The following LRRTM4 variants were observed in gnomAD, a reference collection of about 807,000 sequenced individuals.
LRRTM4 encodes leucine-rich repeat transmembrane neuronal protein 4.
In LRRTM4, 25 loss-of-function variants were observed where a neutral mutation model predicts 47.6. The ratio of observed to expected loss-of-function variants is 0.53; its 90% CI spans 0.38 to 0.73. The LOEUF is 0.73. Ranked by LOEUF, LRRTM4 falls within the 30% of genes least tolerant of loss-of-function variation. The pLI is 0.00. For synonymous variants in LRRTM4, 311 were observed against 269.5 expected (o/e 1.15, Z -1.51); for missense variants, 638 against 713.4 (o/e 0.89, Z 1.20).
chr2:77,186,752 T>C (rs1436503340), intron 3 of LRRTM4, among the ~76,000 whole-genome samples: 1 of 152,098 alleles, frequency 6.6e-6, no homozygotes, highest in Non-Finnish European at 1.5e-5. Flanking sequence ...AACTCATTTA[T>C]GGAGAGATTT....
intron 3 of LRRTM4, among the ~76,000 whole-genome samples, chr2:77,394,580 G>A (rs1415010737): frequency 6.6e-6 from 1 of 151,908 alleles, no homozygotes; most frequent in Non-Finnish European, 1.5e-5. Flanking sequence ...ATGTGAGGGT[G>A]AAACAGGGAT....
At chr2:76,919,837 CAT>C (rs1674378726) in intron 3 of LRRTM4, among the ~76,000 whole-genome samples, 2 of 152,186 alleles carry the variant, frequency 1.3e-5, no homozygotes, top group African/African-American at 4.8e-5. Flanking sequence ...TTAAGTCTTA[CAT>C]ATGACGGGTC....
At position 77,304,659 on chromosome 2, in the gene LRRTM4, C is replaced by T. The variant is rs1677225691; in HGVS notation, c.1551+213659G>A. ...GTTATGTGTACTAATGCCCCAATAG[C>T]TAATAATTGAGTTAATATAATAACT... On this transcript the variant is annotated intron_variant, in intron 3 of 3. Coordinates refer to ENST00000409884, the MANE Select transcript of LRRTM4 (RefSeq NM_001134745.3). Among the ~76,000 whole-genome samples the T allele has an allele frequency of 2.6e-5, 4 of 152,142 alleles. No individual in the cohort carries two copies. The South Asian group carries it at 8.3e-4, about 31-fold the overall frequency.
At chr2:76,876,702 T>C (rs1350382774) in intron 3 of LRRTM4, among the ~76,000 whole-genome samples, 1 of 152,022 alleles carries the variant, frequency 6.6e-6, no homozygotes, top group Non-Finnish European at 1.5e-5. Flanking sequence ...TAACATGACT[T>C]TTAGATATAT....
At position 77,044,567 on chromosome 2, in the gene LRRTM4, T is replaced by G. The variant is rs569563512; in HGVS notation, c.1552-295651A>C. 2.0e-5 allele frequency among the ~76,000 whole-genome samples: 3 copies of G among 151,854 alleles called. No homozygotes were observed. The South Asian group carries it at 6.2e-4, about 32-fold the overall frequency. Reference sequence around the variant, plus strand: ...GTGTGTGTGTCTGTGAGTGTGTGTGTGTGCATGCAAAAGGGAGGATTTAGT... The same window carrying G: ...GTGTGTGTGTCTGTGAGTGTGTGTGGGTGCATGCAAAAGGGAGGATTTAGT... On this transcript the variant is annotated intron_variant, in intron 3 of 3. Transcript: ENST00000409884.
chr2:76,902,594 A>G (rs1221780556), intron 3 of LRRTM4, among the ~76,000 whole-genome samples: 1 of 152,198 alleles, frequency 6.6e-6, no homozygotes. Flanking sequence ...TGGGAGCCTT[A>G]TAAGACCAGA....
chr2:77,279,398 A>T (rs1676448290), intron 3 of LRRTM4, among the ~76,000 whole-genome samples: 1 of 151,888 alleles, frequency 6.6e-6, no homozygotes, highest in Non-Finnish European at 1.5e-5. Flanking sequence ...AACCAAATTT[A>T]TGTATATTCA....
chr2:77,398,641 T>C (rs1573361460), intron 3 of LRRTM4, among the ~76,000 whole-genome samples: 1 of 152,018 alleles, frequency 6.6e-6, no homozygotes, highest in Non-Finnish European at 1.5e-5. Context: ...TATTAATTTA[T>C]TCATTTTTAA....
At chr2:76,766,535 T>C (rs909467465) in intron 3 of LRRTM4, among the ~76,000 whole-genome samples, 1 of 152,216 alleles carries the variant, frequency 6.6e-6, no homozygotes, top group Non-Finnish European at 1.5e-5. Flanking sequence ...CTGCCCTGCA[T>C]TGTGCCCAAG....
chr2:77,373,079 TAAAAAA>T (rs34776298), intron 3 of LRRTM4, among the ~76,000 whole-genome samples: 1 of 133,408 alleles, frequency 7.5e-6, no homozygotes, highest in South Asian at 2.4e-4. Context: ...AACCAACAAT[TAAAAAA>T]AAAATATATA....
At chr2:77,066,007 T>C (rs1679938245) in intron 3 of LRRTM4, among the ~76,000 whole-genome samples, 1 of 152,154 alleles carries the variant, frequency 6.6e-6, no homozygotes, top group East Asian at 1.9e-4. Context: ...ATGGAATCTC[T>C]ATAGAGCAAA....
intron 3 of LRRTM4, among the ~76,000 whole-genome samples, chr2:77,507,719 AT>A (rs1263789273): frequency 6.6e-6 from 1 of 152,070 alleles, no homozygotes; most frequent in Non-Finnish European, 1.5e-5. Context: ...GGTTGAGAAT[AT>A]TTGGTCTCTG....
chr2:77,291,151 C>T (rs897540485), intron 3 of LRRTM4, among the ~76,000 whole-genome samples: 15 of 151,796 alleles, frequency 9.9e-5, no homozygotes, highest in Non-Finnish European at 2.9e-5. Context: ...TTTTATTATA[C>T]AGATGAGAGA....
At position 76,923,121 on chromosome 2, in the gene LRRTM4, C is replaced by T. The variant is rs531136886; in HGVS notation, c.1552-174205G>A. ...ATATATTGACTTTCAATGAATTAAA[C>T]TTCTGTCAATGTCTTTGTATGTCTT... On this transcript the variant is annotated intron_variant, in intron 3 of 3. Coordinates refer to ENST00000409884, the MANE Select transcript of LRRTM4 (RefSeq NM_001134745.3). Among the ~76,000 whole-genome samples the T allele has an allele frequency of 3.2e-4, 49 of 152,066 alleles. No homozygotes were observed. The South Asian group carries it at 9.8e-3, about 30-fold the overall frequency.
At chr2:77,037,420 C>T (rs1018713994) in intron 3 of LRRTM4, among the ~76,000 whole-genome samples, 1 of 151,716 alleles carries the variant, frequency 6.6e-6, no homozygotes, top group African/African-American at 2.4e-5. Context: ...CTCTCTGTAA[C>T]CATTGCTTAA....
At chr2:77,137,319 TC>T (rs1671974399) in intron 3 of LRRTM4, among the ~76,000 whole-genome samples, 1 of 151,896 alleles carries the variant, frequency 6.6e-6, no homozygotes, top group Admixed American at 6.6e-5. Context: ...GGGCCAATAT[TC>T]AGCATTCTTA....
chr2:76,944,765 T>A (rs1242529726), intron 3 of LRRTM4, among the ~76,000 whole-genome samples: 2 of 152,070 alleles, frequency 1.3e-5, no homozygotes, highest in East Asian at 3.9e-4. Flanking sequence ...CCTTCTCAAC[T>A]TCCCAAAGTT....
intron 3 of LRRTM4, among the ~76,000 whole-genome samples, chr2:76,896,963 C>G (rs904738908): frequency 2.5e-4 from 38 of 151,568 alleles, no homozygotes; most frequent in African/African-American, 8.7e-4. Flanking sequence ...TAGAAGAAAT[C>G]TGGAATCTCT....
At chr2:77,107,818 C>CAAA (rs768875970) in intron 3 of LRRTM4, among the ~76,000 whole-genome samples, 15 of 57,844 alleles carry the variant, frequency 2.6e-4, no homozygotes, top group African/African-American at 6.6e-4. Flanking sequence ...AAATCCAACT[C>CAAA]AAAAAAAAAA....
Sources: gnomAD v4.1 joint callset for allele counts (sites outside exome capture counted in the v4.1 genomes callset) on GRCh38, gnomAD v4.1.1 for gene constraint, MANE v1.5 for transcripts, NCBI Gene and HGNC (gene_info 2026-07-23, HGNC 2026-07-21) for gene names.